SEPTIN9: variants seen among roughly 807,000 people sequenced by gnomAD.
SEPTIN9 encodes septin-9.
Under a neutral mutation model 56.6 loss-of-function variants are expected in SEPTIN9, and 13 were observed. The observed-to-expected ratio is 0.23, with a 90% CI of 0.15 to 0.37. SEPTIN9 has a LOEUF of 0.37. Ranked by LOEUF, SEPTIN9 falls within the 10% of genes least tolerant of loss-of-function variation. SEPTIN9 has a pLI of 1.00. For synonymous variants in SEPTIN9, 332 were observed against 334.1 expected (o/e 0.99, Z 0.07); for missense variants, 650 against 823.1 (o/e 0.79, Z 2.57).
At chr17:77,305,959 A>G (rs2143588738) in intron 1 of SEPTIN9, among the ~76,000 whole-genome samples, 1 of 88,936 alleles carries the variant, frequency 1.1e-5, no homozygotes, top group South Asian at 4.8e-4. Context: ...GGATGGGTTG[A>G]TGGATGGGTG....
At chr17:77,349,585 CT>C (rs994229610) in intron 2 of SEPTIN9, among the ~76,000 whole-genome samples, 16 of 152,178 alleles carry the variant, frequency 1.1e-4, no homozygotes, top group African/African-American at 3.9e-4. Context: ...TTGTTTTTCC[CT>C]GGATGCTTTT....
intron 2 of SEPTIN9, among the ~76,000 whole-genome samples, chr17:77,332,830 C>G (rs2143716556): frequency 6.6e-6 from 1 of 152,310 alleles, no homozygotes; most frequent in East Asian, 1.9e-4. Flanking sequence ...TGAGTAACGT[C>G]CACTGTGTGA....
At chr17:77,401,961 C>T in intron 2 of SEPTIN9, 98 bp from the exon 3 acceptor site, 2 of 1,303,730 alleles carry the variant, frequency 1.5e-6, no homozygotes, top group South Asian at 2.8e-5. Flanking sequence ...CTCACCGCCG[C>T]ATCGCCTGCC....
intron 2 of SEPTIN9, among the ~76,000 whole-genome samples, chr17:77,361,348 A>ATCTG (rs1568014036): frequency 1.4e-5 from 2 of 141,478 alleles, no homozygotes; most frequent in Admixed American, 1.7e-4. Flanking sequence ...CTGGGTGACC[A>ATCTG]TCTGCATGTC....
chr17:77,458,223 G>T (rs547876540), intron 3 of SEPTIN9, among the ~76,000 whole-genome samples: 1 of 152,170 alleles, frequency 6.6e-6, no homozygotes, highest in Non-Finnish European at 1.5e-5. Flanking sequence ...AGCAGACCCC[G>T]TGCACAGCCC....
At chr17:77,458,612 A>G (rs1270204661) in intron 3 of SEPTIN9, among the ~76,000 whole-genome samples, 1 of 152,224 alleles carries the variant, frequency 6.6e-6, no homozygotes, top group East Asian at 1.9e-4. Flanking sequence ...CGGGGATGAA[A>G]CTGAAGAGGC....
In SEPTIN9 at chr17:77,421,882, T is replaced by C. The variant is rs1488144510; in HGVS notation, c.721+19179T>C. Among the ~76,000 whole-genome samples, 1 of 151,364 alleles carries C rather than the reference T, an allele frequency of 6.6e-6. No individual in the cohort carries two copies. The highest frequency in any genetic ancestry group is 1.5e-5 in the Non-Finnish European group (1 of 67,780). On this transcript the variant is annotated intron_variant, in intron 3 of 11. Transcript: ENST00000427177. This position sits in a 1 kb window ranked among gnomAD's most constrained non-coding sequence, Gnocchi z 4.6. ...GGGATTTTTTTTGAGACGGTCTCTC[T>C]CTGTCGCCCAGGCTGGAGTTCAATG... is the stretch of plus-strand genomic sequence containing the variant.
intron 4 of SEPTIN9, among the ~76,000 whole-genome samples, chr17:77,486,543 A>C: frequency 7.1e-6 from 1 of 140,826 alleles, no homozygotes; most frequent in Admixed American, 6.9e-5. Context: ...CGCGCGTGTT[A>C]TATGTGATTT....
intron 3 of SEPTIN9, among the ~76,000 whole-genome samples, chr17:77,443,517 G>T (rs567970007): frequency 2.6e-5 from 4 of 152,326 alleles, no homozygotes; most frequent in East Asian, 3.9e-4. Flanking sequence ...GTTGGGCTGG[G>T]TGCAGTGACT....
In SEPTIN9 at chr17:77,400,709, CTG is replaced by C. The variant is rs1764755634; in HGVS notation, c.77-1347_77-1346del. On this transcript the variant is annotated intron_variant, in intron 2 of 11. Transcript: ENST00000427177. This position sits in a 1 kb window ranked among gnomAD's most constrained non-coding sequence, Gnocchi z 4.1. ...GGTGGGATCCCATGAGACCCGGACT[CTG>C]TGGCCTGGTGAGGCAGGGAGCGGCT... is the stretch of plus-strand genomic sequence containing the variant. 6.6e-6 allele frequency: 1 copy of C among 152,534 alleles called. No homozygotes were observed. Among genetic ancestry groups the C allele is most frequent in the African/African-American group, 2.4e-5 (1 of 41,438 alleles). The allele number at this position is 152,534 out of a possible 1,614,324, so 9.4% of individuals were successfully genotyped here. A position where few individuals can be genotyped will look rare whatever the true frequency, so the allele number is the denominator to read the frequency against.
In SEPTIN9 at chr17:77,327,758, A is replaced by G. The variant is rs1364767135; in HGVS notation, c.76+20561A>G. Among the ~76,000 whole-genome samples the G allele has an allele frequency of 6.6e-6, 1 of 152,150 alleles. No individual in the cohort carries two copies. Among genetic ancestry groups the G allele is most frequent in the Non-Finnish European group, 1.5e-5 (1 of 68,014 alleles). On this transcript the variant is annotated intron_variant, in intron 2 of 11. Transcript: ENST00000427177. This position sits in a 1 kb window ranked among gnomAD's most constrained non-coding sequence, Gnocchi z 5.0. ...TCCTCTTTTTTTTTCTAAATGGGGAAACTCTGACTTGAACACTGAATAAAC... is the reference window on the plus strand; with the variant it reads ...TCCTCTTTTTTTTTCTAAATGGGGAGACTCTGACTTGAACACTGAATAAAC...
intron 2 of SEPTIN9, among the ~76,000 whole-genome samples, chr17:77,331,834 G>A (rs1598205600): frequency 6.6e-6 from 1 of 152,360 alleles, no homozygotes; most frequent in Non-Finnish European, 1.5e-5. Context: ...AACTGGGCGG[G>A]GAAAGGGAGG....
chr17:77,376,729 G>T (rs941895448), intron 2 of SEPTIN9: 1 of 152,318 alleles, frequency 6.6e-6, no homozygotes, highest in East Asian at 1.9e-4. Flanking sequence ...TGCCCAGGCC[G>T]GCACAGCACA....
Position 77,488,226 on chromosome 17 carries a change from G to T in SEPTIN9, c.1043-14G>T, listed in dbSNP as rs753850647. On this transcript the variant is annotated splice_polypyrimidine_tract_variant and intron_variant, in intron 5 of 11. Coordinates refer to ENST00000427177, the MANE Select transcript of SEPTIN9 (RefSeq NM_001113491.2). ...CCGTCTCCCCTCTGACTCTGCGTCC[G>T]TGGCTCTGTGCAGATATTGAGGAGA... 1.2e-6 allele frequency: 2 copies of T among 1,613,400 alleles called. No homozygotes were observed. The highest frequency in any genetic ancestry group is 4.5e-5 in the East Asian group (2 of 44,872).
intron 3 of SEPTIN9, among the ~76,000 whole-genome samples, chr17:77,459,136 A>T (rs1480979826): frequency 6.6e-6 from 1 of 152,198 alleles, no homozygotes; most frequent in African/African-American, 2.4e-5. Context: ...TGCCACTACC[A>T]CCTGGCACCC....
chr17:77,292,767 T>C (rs2031624917), intron 1 of SEPTIN9, among the ~76,000 whole-genome samples: 1 of 152,102 alleles, frequency 6.6e-6, no homozygotes, highest in African/African-American at 2.4e-5. Context: ...GTGCTGAGAT[T>C]ACGGGCATGA....
intron 2 of SEPTIN9, among the ~76,000 whole-genome samples, chr17:77,315,485 A>G (rs915771677): frequency 1.3e-5 from 2 of 152,058 alleles, no homozygotes; most frequent in Admixed American, 6.5e-5. Flanking sequence ...ACGGGGTTTC[A>G]CCATGTTGGT....
intron 2 of SEPTIN9, among the ~76,000 whole-genome samples, chr17:77,359,848 C>T (rs2034359855): frequency 6.6e-6 from 1 of 151,830 alleles, no homozygotes; most frequent in Non-Finnish European, 1.5e-5. Flanking sequence ...ATCATGAGCA[C>T]ATAACTCCAG....
rs1434785877 is a variant in SEPTIN9 at position 77,405,773 on chromosome 17, AC to A, written c.721+3072del. On this transcript the variant is annotated intron_variant, in intron 3 of 11. Coordinates refer to ENST00000427177, the MANE Select transcript of SEPTIN9 (RefSeq NM_001113491.2). This position sits in a 1 kb window ranked among gnomAD's most constrained non-coding sequence, Gnocchi z 5.8. ...CTCCGTCCTCCCTCTCTGTGTCACG[AC>A]CGTTCTGGACACGGATCCAGTTCTC... 6.6e-6 allele frequency among the ~76,000 whole-genome samples: 1 copy of A among 151,824 alleles called. No homozygotes were observed. Among genetic ancestry groups the A allele is most frequent in the East Asian group, 1.9e-4 (1 of 5,168 alleles).
Sources: gnomAD v4.1 joint callset for allele counts (sites outside exome capture counted in the v4.1 genomes callset) on GRCh38, gnomAD v4.1.1 for gene constraint, Gnocchi (gnomAD v3.1) non-coding constraint, MANE v1.5 for transcripts, NCBI Gene and HGNC (gene_info 2026-07-23, HGNC 2026-07-21) for gene names.